ARHGAP10: variants seen among roughly 807,000 people sequenced by gnomAD.
The protein encoded by ARHGAP10 is rho GTPase-activating protein 10.
ARHGAP10 carries 87 observed loss-of-function variants against 108.6 expected under a neutral mutation model. That is an observed-to-expected ratio of 0.80 (90% confidence interval 0.67 to 0.96). ARHGAP10 has a LOEUF of 0.96. Among genes scored for constraint, ARHGAP10 ranks in the 40% least tolerant of loss-of-function variants. The probability of loss-of-function intolerance (pLI) is 0.00; values close to 1 mark genes in which losing one functional copy is unlikely to be tolerated. For synonymous variants in ARHGAP10, 347 were observed against 341.1 expected, an observed-to-expected ratio of 1.02 and a Z score of -0.19; for missense variants, 939 against 954.5, an observed-to-expected ratio of 0.98 and a Z score of 0.21.
intron 20 of ARHGAP10, among the ~76,000 whole-genome samples, chr4:148,060,282 T>A (rs1396814958): frequency 6.6e-6 from 1 of 152,136 alleles, no homozygotes; most frequent in East Asian, 1.9e-4. Flanking sequence ...TCGATTCTTC[T>A]TATTAAAAAG....
At chr4:147,777,892 A>G (rs951285721) in intron 1 of ARHGAP10, among the ~76,000 whole-genome samples, 1 of 152,160 alleles carries the variant, frequency 6.6e-6, no homozygotes, top group Non-Finnish European at 1.5e-5. Flanking sequence ...TCTTTCCTAT[A>G]GATGGGGAGA....
chr4:147,757,413 C>A (rs1367705223), intron 1 of ARHGAP10, among the ~76,000 whole-genome samples: 1 of 152,226 alleles, frequency 6.6e-6, no homozygotes, highest in East Asian at 1.9e-4. Flanking sequence ...CCAGGCTGGT[C>A]TTGAACTCCT....
Position 148,023,625 on chromosome 4 carries a change from C to T in ARHGAP10, c.1867+212C>T, listed in dbSNP as rs560647733. The stretch of plus-strand genomic sequence containing the variant: ...GTGTTTGTCTTTGTTATGCATGGTT[C>T]TTTTTTTATTTTTAAAAGACAGCTT... On this transcript the variant is annotated intron_variant, in intron 19 of 22. Transcript: ENST00000336498. Among the ~76,000 whole-genome samples the T allele has an allele frequency of 2.8e-4, 42 of 152,226 alleles. No homozygotes were observed. In the East Asian group the frequency reaches 6.7e-3, roughly 24 times the overall value.
At chr4:147,817,342 C>A (rs1375585733) in intron 1 of ARHGAP10, among the ~76,000 whole-genome samples, 1 of 152,044 alleles carries the variant, frequency 6.6e-6, no homozygotes, top group Non-Finnish European at 1.5e-5. Flanking sequence ...GTAGGGTGAC[C>A]CAAACAGAGA....
intron 15 of ARHGAP10, among the ~76,000 whole-genome samples, chr4:147,950,224 G>A (rs539373091): frequency 3.3e-5 from 5 of 152,274 alleles, no homozygotes; most frequent in East Asian, 1.9e-4. Flanking sequence ...TATTTTTAGC[G>A]ATGGAAAATG....
At chr4:147,875,198 T>G in intron 8 of ARHGAP10, 48 bp downstream of exon 8, 1 of 1,505,156 alleles carries the variant, frequency 6.6e-7, no homozygotes, top group South Asian at 1.4e-5. Flanking sequence ...AAAATGCAAA[T>G]TATTGAAAAC....
At chr4:148,064,583 AGCGATGGT>A in intron 22 of ARHGAP10, 76 bp downstream of exon 22, 1 of 1,331,098 alleles carries the variant, frequency 7.5e-7, no homozygotes, top group Non-Finnish European at 1.1e-6. Flanking sequence ...GTGAGCAGTC[AGCGATGGT>A]GCTGTTGTCG....
intron 4 of ARHGAP10, chr4:147,854,913 T>C (rs900231358): frequency 1.0e-6 from 1 of 971,622 alleles, no homozygotes; most frequent in African/African-American, 1.8e-5. Context: ...GTCTCCTTTT[T>C]CTTTCATTCC....
intron 22 of ARHGAP10, among the ~76,000 whole-genome samples, chr4:148,071,103 A>G (rs1050902408): frequency 3.3e-5 from 5 of 152,238 alleles, no homozygotes; most frequent in Non-Finnish European, 5.9e-5. Context: ...GAGGCATCCA[A>G]TCAGGTCTCT....
At chr4:147,825,038 A>C (rs1043986424) in intron 3 of ARHGAP10, among the ~76,000 whole-genome samples, 3 of 152,156 alleles carry the variant, frequency 2.0e-5, no homozygotes, top group African/African-American at 7.2e-5. Context: ...AGGCACTCTG[A>C]ACTGCCCTCC....
intron 1 of ARHGAP10, among the ~76,000 whole-genome samples, chr4:147,754,100 C>G (rs1009387721): frequency 1.3e-5 from 2 of 152,194 alleles, no homozygotes; most frequent in East Asian, 1.9e-4. Context: ...GTGTCTAGAA[C>G]AGTGCCTTGC....
chr4:147,924,147 A>G (rs1737356759), intron 13 of ARHGAP10, among the ~76,000 whole-genome samples: 3 of 152,226 alleles, frequency 2.0e-5, no homozygotes, highest in African/African-American at 7.2e-5. Context: ...CATTTTCACA[A>G]TTAGTAATCT....
intron 1 of ARHGAP10, among the ~76,000 whole-genome samples, chr4:147,789,568 G>C (rs1404420860): frequency 6.6e-6 from 1 of 152,152 alleles, no homozygotes; most frequent in Admixed American, 6.5e-5. Flanking sequence ...CACCATGCCC[G>C]GCCCACATGT....
intron 18 of ARHGAP10, among the ~76,000 whole-genome samples, chr4:147,982,546 CTTTTTTTTTTT>C (rs753773443): frequency 1.2e-4 from 8 of 66,270 alleles, no homozygotes; most frequent in African/African-American, 5.7e-4. Context: ...CCAGCTAAAT[CTTTTTTTTTTT>C]TTTTTTTTTT....
rs749467934 is a variant in ARHGAP10, at chr4:147,879,291, A to G, written c.892A>G (p.Lys298Glu). Residue 298 changes from lysine to glutamate, a missense_variant, in exon 9 of 23, where the codon AAG (lysine) becomes GAG (glutamate). Lys to Glu is a moderately conservative substitution (Grantham distance 56). Coordinates refer to ENST00000336498, the MANE Select transcript of ARHGAP10 (RefSeq NM_024605.4). ...KHYCMYRKAA[K>E]KFNMIPFEHR... is the part of the protein sequence containing the mutation. ...CTATTGCATGTATCGAAAAGCAGCA[A>G]AGAAGTTCAACATGATCCCATTTGA... The G allele has an allele frequency of 3.7e-6, 6 of 1,614,138 alleles. No homozygotes were observed. In the Admixed American group the frequency reaches 8.3e-5, roughly 22 times the overall value.
chr4:147,946,641 A>G lies in ARHGAP10; in HGVS notation c.1328A>G (p.Asp443Gly). The change falls in exon 15 of 23, where the codon GAC (aspartate) becomes GGC (glycine). Residue 443 changes from aspartate (D) to glycine (G), a missense_variant. By Grantham distance (94) the Asp-to-Gly change is moderately conservative. Transcript: ENST00000336498. ...GATGTAAAAACATGCAATGAGGTGG[A>G]CCTGGAGAATTCTGCAGATTGGGAA... ...LMDVKTCNEV[D>G]LENSADWEVK... 1 of 1,612,898 alleles carries G rather than the reference A, an allele frequency of 6.2e-7. No homozygotes were observed. The highest frequency in any genetic ancestry group is 8.5e-7 in the Non-Finnish European group (1 of 1,179,626).
At chr4:147,755,709 C>G (rs936975835) in intron 1 of ARHGAP10, among the ~76,000 whole-genome samples, 1 of 152,138 alleles carries the variant, frequency 6.6e-6, no homozygotes, top group Admixed American at 6.6e-5. Context: ...TTCTCTTGCC[C>G]TTATATAGTG....
intron 18 of ARHGAP10, among the ~76,000 whole-genome samples, chr4:147,996,770 C>T (rs1740493867): frequency 6.6e-6 from 1 of 152,140 alleles, no homozygotes; most frequent in Non-Finnish European, 1.5e-5. Context: ...AGGAAGTAAT[C>T]AGGTGAAATG....
chr4:147,955,332 C>T lies in ARHGAP10; in HGVS notation c.1408C>T (p.Leu470Phe), dbSNP rs1043225873. 1.2e-6 allele frequency: 2 copies of T among 1,611,712 alleles called. No individual in the cohort carries two copies. Among genetic ancestry groups the T allele is most frequent in the African/African-American group, 2.7e-5 (2 of 74,822 alleles). The change falls in exon 16 of 23, where the codon CTC becomes TTC. Residue 470 changes from leucine (L) to phenylalanine (F), a missense_variant. Physicochemically the swap from Leu to Phe is conservative, Grantham distance 22. Transcript: ENST00000336498. Reference sequence around the variant, plus strand: ...TTCACACAGGAGTCTTCCAGAGCCTCTCATGACCTATGAGTTACATGGAGA... The same window carrying T: ...TTCACACAGGAGTCTTCCAGAGCCTTTCATGACCTATGAGTTACATGGAGA... ...KQYLRSLPEP[L>F]MTYELHGDFI... is the part of the protein sequence containing the mutation.
Sources: allele counts gnomAD v4.1 joint callset (sites outside exome capture counted in the v4.1 genomes callset), GRCh38; gene constraint gnomAD v4.1.1; transcripts MANE v1.5; gene names NCBI Gene and HGNC (gene_info 2026-07-23, HGNC 2026-07-21).